The following CPE variants were observed in gnomAD, a reference collection of about 807,000 sequenced individuals.
CPE encodes carboxypeptidase E, also known as carbocypeptidase E.
A neutral mutation model predicts 53.5 loss-of-function variants in CPE; 17 were observed. The observed-to-expected ratio is 0.32, with a 90% CI of 0.22 to 0.48. The LOEUF (loss-of-function observed/expected upper bound fraction) is 0.48, where lower values mean the gene tolerates loss of function less well. Among genes scored for constraint, CPE ranks in the 20% least tolerant of loss-of-function variants. The pLI, the probability that CPE is intolerant of heterozygous loss-of-function variation, is 0.99. For synonymous variants in CPE, 226 were observed against 228.8 expected (o/e 0.99, Z 0.11); for missense variants, 524 against 614.7 (o/e 0.85, Z 1.56).
intron 1 of CPE, among the ~76,000 whole-genome samples, chr4:165,432,120 A>T (rs914249243): frequency 7.9e-5 from 12 of 152,168 alleles, no homozygotes; most frequent in Non-Finnish European, 4.4e-5. Flanking sequence ...TATTTCAAGT[A>T]CTCAGAAAAT....
chr4:165,427,612 T>G (rs1731344078), intron 1 of CPE, among the ~76,000 whole-genome samples: 1 of 152,258 alleles, frequency 6.6e-6, no homozygotes, highest in African/African-American at 2.4e-5. Flanking sequence ...ATTTTTTTCC[T>G]GAATATTAGA....
intron 3 of CPE, among the ~76,000 whole-genome samples, chr4:165,474,755 A>C (rs1914840): frequency 0.74 from 112,582 of 152,168 alleles, 42,267 homozygotes; most frequent in African/African-American, 0.85. Context: ...CATGTCTGTC[A>C]TATGGGTCTT....
At chr4:165,392,702 G>A (rs918279803) in intron 1 of CPE, among the ~76,000 whole-genome samples, 42 of 146,148 alleles carry the variant, frequency 2.9e-4, no homozygotes, top group Admixed American at 9.7e-4. Context: ...GGAGCTTATC[G>A]TAGTATAAGC....
At chr4:165,450,053 C>A (rs1731782588) in intron 1 of CPE, among the ~76,000 whole-genome samples, 11 of 152,080 alleles carry the variant, frequency 7.2e-5, no homozygotes, top group Admixed American at 7.2e-4. Context: ...ACTTGGGACA[C>A]ACATGAAATT....
chr4:165,467,735 A>T lies in CPE; in HGVS notation c.552A>T (p.Gly184=). 1 of 1,613,650 alleles carries T rather than the reference A, an allele frequency of 6.2e-7. No homozygotes were observed. Among genetic ancestry groups the T allele is most frequent in the Non-Finnish European group, 8.5e-7 (1 of 1,179,766 alleles). Residue 184 remains glycine (G), a synonymous_variant, in exon 3 of 9, where the codon GGA becomes GGT. Coordinates refer to ENST00000402744, the MANE Select transcript of CPE (RefSeq NM_001873.4). ...DWFVGRSNAQ[G]IDLNRNFPDL... ...TTGTGGGTCGAAGCAATGCCCAGGGAATAGATCTGAACCGGAACTTTCCAG... is the reference window on the plus strand; with the variant it reads ...TTGTGGGTCGAAGCAATGCCCAGGGTATAGATCTGAACCGGAACTTTCCAG...
intron 1 of CPE, among the ~76,000 whole-genome samples, chr4:165,381,930 T>A (rs907624866): frequency 7.2e-5 from 11 of 152,262 alleles, no homozygotes; most frequent in African/African-American, 2.7e-4. Flanking sequence ...TGAGCACCTG[T>A]ATACTCAAGG....
intron 6 of CPE, among the ~76,000 whole-genome samples, chr4:165,489,646 A>G (rs917884434): frequency 6.6e-6 from 1 of 152,228 alleles, no homozygotes; most frequent in African/African-American, 2.4e-5. Flanking sequence ...CAACAATTTA[A>G]AAACATGCTT....
chr4:165,436,219 T>G (rs1731499963), intron 1 of CPE, among the ~76,000 whole-genome samples: 1 of 147,810 alleles, frequency 6.8e-6, no homozygotes, highest in Admixed American at 6.7e-5. Context: ...CACACACGTG[T>G]GCACAGAATC....
rs182009383 is a variant in CPE, at chr4:165,411,070, C to T, written c.307+31542C>T. On this transcript the variant is annotated intron_variant, in intron 1 of 8. Coordinates refer to ENST00000402744, the MANE Select transcript of CPE (RefSeq NM_001873.4). Reference sequence around the variant, plus strand: ...AGGGAAGTGATTATTTCAAAATTACCTAGAGGATCTTGAGCATAGTATGAC... The same window carrying T: ...AGGGAAGTGATTATTTCAAAATTACTTAGAGGATCTTGAGCATAGTATGAC... 1.6e-4 allele frequency among the ~76,000 whole-genome samples: 25 copies of T among 152,234 alleles called. No individual in the cohort carries two copies. The East Asian group carries it at 4.8e-3, about 29-fold the overall frequency.
rs1275704380 is a variant in CPE at position 165,404,714 on chromosome 4, G to A, written c.307+25186G>A. The A allele has an allele frequency of 6.9e-6, 6 of 870,238 alleles. No homozygotes were observed. The Admixed American group carries it at 1.0e-4, about 15-fold the overall frequency. The allele number at this position is 870,238 out of a possible 1,614,324, so 53.9% of individuals were successfully genotyped here. ...AGACATCATGGGTGCAAGACACCTGGTAGTATAGAAGCCAGGTCCATCCTT... is the reference window on the plus strand; with the variant it reads ...AGACATCATGGGTGCAAGACACCTGATAGTATAGAAGCCAGGTCCATCCTT... On this transcript the variant is annotated intron_variant, in intron 1 of 8. Coordinates refer to ENST00000402744, the MANE Select transcript of CPE (RefSeq NM_001873.4).
chr4:165,423,874 AT>A (rs1488278710), intron 1 of CPE, among the ~76,000 whole-genome samples: 2 of 139,058 alleles, frequency 1.4e-5, no homozygotes, highest in African/African-American at 2.7e-5. Context: ...ATTCCCACCT[AT>A]GAGTGAGAAT....
At chr4:165,395,801 G>A (rs1730754360) in intron 1 of CPE, among the ~76,000 whole-genome samples, 1 of 152,164 alleles carries the variant, frequency 6.6e-6, no homozygotes. Context: ...ACATGTAGAT[G>A]CCCAAAGCAT....
chr4:165,437,738 G>A (rs1349933629), intron 1 of CPE, among the ~76,000 whole-genome samples: 1 of 152,194 alleles, frequency 6.6e-6, no homozygotes, highest in Non-Finnish European at 1.5e-5. Flanking sequence ...TCTGGGAGCA[G>A]AGTGTGGGGT....
chr4:165,471,425 C>T (rs1475617748), intron 3 of CPE, among the ~76,000 whole-genome samples: 1 of 152,154 alleles, frequency 6.6e-6, no homozygotes, highest in Non-Finnish European at 1.5e-5. Flanking sequence ...TAACTTTTCT[C>T]TCTCCAGTCC....
intron 3 of CPE, among the ~76,000 whole-genome samples, chr4:165,476,501 G>A (rs779371345): frequency 1.1e-4 from 16 of 152,032 alleles, no homozygotes; most frequent in East Asian, 7.7e-4. Flanking sequence ...TTTGCCTCTC[G>A]GTGCGCATGT....
chr4:165,417,204 T>C (rs1731138994), intron 1 of CPE, among the ~76,000 whole-genome samples: 1 of 151,526 alleles, frequency 6.6e-6, no homozygotes, highest in Admixed American at 6.6e-5. Flanking sequence ...GTTATAAAAA[T>C]TGGGAAACTG....
chr4:165,397,464 C>A (rs1284247527), intron 1 of CPE, among the ~76,000 whole-genome samples: 1 of 152,124 alleles, frequency 6.6e-6, no homozygotes. Flanking sequence ...ATATTAGACA[C>A]CTATTTATTT....
intron 1 of CPE, among the ~76,000 whole-genome samples, chr4:165,388,767 C>CT (rs1023834457): frequency 1.8e-4 from 27 of 152,210 alleles, no homozygotes; most frequent in African/African-American, 6.0e-4. Flanking sequence ...ACTTTTTGTC[C>CT]TTTTTGTGTT....
chr4:165,473,402 T>C (rs1732241856), intron 3 of CPE, among the ~76,000 whole-genome samples: 1 of 152,250 alleles, frequency 6.6e-6, no homozygotes, highest in Non-Finnish European at 1.5e-5. Flanking sequence ...AGTTAAGGTT[T>C]GTACTGCATG....
Sources: allele counts gnomAD v4.1 joint callset (sites outside exome capture counted in the v4.1 genomes callset), GRCh38; gene constraint gnomAD v4.1.1; transcripts MANE v1.5; gene names NCBI Gene and HGNC (gene_info 2026-07-23, HGNC 2026-07-21).